LRP1B: variants seen among roughly 807,000 people sequenced by gnomAD.
LRP1B encodes LDL receptor related protein 1B.
LRP1B carries 217 observed loss-of-function variants against 556.6 expected under a neutral mutation model. The observed-to-expected ratio is 0.39, with a 90% confidence interval of 0.35 to 0.44. The LOEUF (loss-of-function observed/expected upper bound fraction) is 0.44. Among genes scored for constraint, LRP1B ranks in the 20% least tolerant of loss-of-function variants. The pLI is 1.00. For synonymous variants in LRP1B, 2,047 were observed against 1,865.8 expected (o/e 1.10, Z -2.50); for missense variants, 5,053 against 5,620.8 (o/e 0.90, Z 3.23).
In LRP1B at chr2:142,130,983, C is replaced by T. The variant is rs1193569194; in HGVS notation, c.-254G>A. On this transcript the variant is annotated 5_prime_UTR_variant, in exon 1 of 91. Coordinates refer to ENST00000389484, the MANE Select transcript of LRP1B (RefSeq NM_018557.3). ...CGTGTGTGAGCGCGAGCGAGACGCC[C>T]GTGTGTCTTGACTTTTCAATGCAGG... The T allele has an allele frequency of 5.4e-6, 3 of 553,932 alleles. No individual in the cohort carries two copies. Among genetic ancestry groups the T allele is most frequent in the African/African-American group, 3.8e-5 (2 of 52,596 alleles). The allele number at this position is 553,932 out of a possible 1,614,324, so 34.3% of individuals were successfully genotyped here.
rs11352164 is a variant in LRP1B, at chr2:140,803,260, G to GTTTTT, written c.5359+10392_5359+10396dup. ...GTGGTCAGTATTAGTCCTATTGAAA[G>GTTTTT]TTTTTTTTTTTTTTTTTTTTTTTTT... On this transcript the variant is annotated intron_variant, in intron 32 of 90. Transcript: ENST00000389484. 1.3e-3 allele frequency among the ~76,000 whole-genome samples: 138 copies of GTTTTT among 102,224 alleles called. 17 individuals are homozygous for GTTTTT. The highest frequency in any genetic ancestry group is 6.7e-3 in the East Asian group (27 of 4,032). 67.1% of individuals were successfully genotyped at this position (102,224 alleles called of 152,430 possible).
intron 11 of LRP1B, among the ~76,000 whole-genome samples, chr2:141,031,166 T>G (rs184609169): frequency 6.6e-6 from 1 of 151,704 alleles, no homozygotes; most frequent in African/African-American, 2.4e-5. Context: ...AAAATACAAT[T>G]TTAAGTGCTG....
rs190234347 is a variant in LRP1B, at chr2:141,093,176, G to A, written c.1014-30903C>T. Among the ~76,000 whole-genome samples the A allele has an allele frequency of 5.3e-5, 8 of 152,206 alleles. No homozygotes were observed. The East Asian group carries it at 1.5e-3, about 29-fold the overall frequency. ...TTATATTTTTAAGTAGCCAGAGAGAGTAGAAGGAAACTCATGGATAAAGGA... is the reference window on the plus strand; with the variant it reads ...TTATATTTTTAAGTAGCCAGAGAGAATAGAAGGAAACTCATGGATAAAGGA... On this transcript the variant is annotated intron_variant, in intron 7 of 90. Transcript: ENST00000389484.
chr2:141,008,453 C>G (rs922648993), intron 14 of LRP1B, among the ~76,000 whole-genome samples: 1 of 151,002 alleles, frequency 6.6e-6, no homozygotes, highest in East Asian at 1.9e-4. Flanking sequence ...ATAAGATTTT[C>G]TTACTCCAAA....
In LRP1B at chr2:140,598,659, C is replaced by A. The variant is rs761131522; in HGVS notation, c.7166G>T (p.Arg2389Met). ...TCTCTGGGATCCATCGTATTCACAC[C>A]TTTCAATTTTTCCTAGACTGCCATC... The part of the protein sequence containing the change: ...FSDGSLGKIE[R>M]CEYDGSQRHV... Residue 2389 changes from arginine to methionine, a missense_variant, in exon 43 of 91, where the codon AGG becomes ATG. By Grantham distance (91) the Arg-to-Met change is moderately conservative. Coordinates refer to ENST00000389484, the MANE Select transcript of LRP1B (RefSeq NM_018557.3). 3 of 1,613,570 alleles carry A rather than the reference C, an allele frequency of 1.9e-6. No homozygotes were observed. Among genetic ancestry groups the A allele is most frequent in the African/African-American group, 1.3e-5 (1 of 75,004 alleles).
chr2:142,076,931 C>T (rs916644088), intron 1 of LRP1B, among the ~76,000 whole-genome samples: 2 of 151,916 alleles, frequency 1.3e-5, no homozygotes, highest in African/African-American at 4.8e-5. Flanking sequence ...TGAGGTGTCA[C>T]CTTATGAACA....
intron 43 of LRP1B, among the ~76,000 whole-genome samples, chr2:140,592,882 G>C (rs1159259607): frequency 6.6e-6 from 1 of 151,824 alleles, no homozygotes; most frequent in Non-Finnish European, 1.5e-5. Context: ...GAGGGCTACA[G>C]TGAGCCTTGA....
intron 3 of LRP1B, among the ~76,000 whole-genome samples, chr2:141,446,022 A>C (rs948508626): frequency 2.6e-5 from 4 of 152,182 alleles, no homozygotes; most frequent in Non-Finnish European, 4.4e-5. Flanking sequence ...GTGGGATATC[A>C]AAATCTCCCA....
chr2:141,524,084 C>T (rs1183663632), intron 2 of LRP1B, among the ~76,000 whole-genome samples: 1 of 152,060 alleles, frequency 6.6e-6, no homozygotes, highest in Non-Finnish European at 1.5e-5. Context: ...AATTTAAGGG[C>T]ACTTAAAGTA....
rs536398170 is a variant in LRP1B, at chr2:140,836,765, A to T, written c.5209+3226T>A. 2.0e-5 allele frequency among the ~76,000 whole-genome samples: 3 copies of T among 152,342 alleles called. No homozygotes were observed. The East Asian group carries it at 5.8e-4, about 29-fold the overall frequency. ...CATATTTTGGAAGTATTTAAAAAAAAAGTATTGCATTTATATATGGACAAC... is the reference window on the plus strand; with the variant it reads ...CATATTTTGGAAGTATTTAAAAAAATAGTATTGCATTTATATATGGACAAC... On this transcript the variant is annotated intron_variant, in intron 31 of 90. Coordinates refer to ENST00000389484, the MANE Select transcript of LRP1B (RefSeq NM_018557.3).
At chr2:141,583,212 C>T (rs150702024) in intron 2 of LRP1B, among the ~76,000 whole-genome samples, 25 of 152,150 alleles carry the variant, frequency 1.6e-4, no homozygotes, top group African/African-American at 4.3e-4. Context: ...AGACTTATTT[C>T]GCAACTGAAA....
intron 2 of LRP1B, among the ~76,000 whole-genome samples, chr2:141,704,022 T>A (rs1430896859): frequency 6.6e-6 from 1 of 151,904 alleles, no homozygotes; most frequent in African/African-American, 2.4e-5. Flanking sequence ...GTGATTCTGA[T>A]GAGAGATTTT....
Position 141,753,014 on chromosome 2 carries a change from C to T in LRP1B, c.205+57265G>A, listed in dbSNP as rs147143009. Among the ~76,000 whole-genome samples the T allele has an allele frequency of 7.2e-3, 1,044 of 145,090 alleles. 6 individuals are homozygous for T. Among genetic ancestry groups the T allele is most frequent in the Non-Finnish European group, 0.012 (832 of 66,758 alleles). ...CTGTAATCCCAGCACATTGGGAGGC[C>T]GAGGCAGGTGGATCACCTGAGGTCA... On this transcript the variant is annotated intron_variant, in intron 2 of 90. Coordinates refer to ENST00000389484, the MANE Select transcript of LRP1B (RefSeq NM_018557.3).
chr2:141,355,465 C>A (rs1283331452), intron 3 of LRP1B, among the ~76,000 whole-genome samples: 7 of 152,002 alleles, frequency 4.6e-5, no homozygotes, highest in Admixed American at 3.3e-4. Context: ...TCAATCCCCA[C>A]CTCCACCACA....
intron 66 of LRP1B, among the ~76,000 whole-genome samples, chr2:140,441,833 A>C (rs1331557384): frequency 6.6e-6 from 1 of 152,238 alleles, no homozygotes; most frequent in Admixed American, 6.5e-5. Context: ...AATGCTGATC[A>C]AATGAATTAC....
At position 140,399,444 on chromosome 2, in the gene LRP1B, T is replaced by C. The variant is rs555598006; in HGVS notation, c.10415-13435A>G. 1.2e-4 allele frequency among the ~76,000 whole-genome samples: 19 copies of C among 152,312 alleles called. No homozygotes were observed. The South Asian group carries it at 3.9e-3, about 32-fold the overall frequency. Reference sequence around the variant, plus strand: ...TTGTTTTCCTATATAGATAAGGATGTTATAAAGTACAGTTTTATTTTCTTA... The same window carrying C: ...TTGTTTTCCTATATAGATAAGGATGCTATAAAGTACAGTTTTATTTTCTTA... On this transcript the variant is annotated intron_variant, in intron 66 of 90. Coordinates refer to ENST00000389484, the MANE Select transcript of LRP1B (RefSeq NM_018557.3).
intron 66 of LRP1B, among the ~76,000 whole-genome samples, chr2:140,419,844 A>T (rs9677971): frequency 6.6e-6 from 1 of 151,852 alleles, no homozygotes; most frequent in Non-Finnish European, 1.5e-5. Context: ...CCTGTCTTTA[A>T]TAAAATTACA....
chr2:140,749,931 C>T (rs1023197812), intron 35 of LRP1B, among the ~76,000 whole-genome samples: 2 of 152,030 alleles, frequency 1.3e-5, no homozygotes, highest in African/African-American at 2.4e-5. Flanking sequence ...TAATGTCTTG[C>T]GCTATGACAT....
intron 3 of LRP1B, among the ~76,000 whole-genome samples, chr2:141,321,306 A>T (rs113610408): frequency 0.021 from 3,190 of 152,218 alleles, 52 homozygotes; most frequent in Non-Finnish European, 0.034. Context: ...TTGTAAAACT[A>T]AAAAGTAAAG....
Sources: allele counts gnomAD v4.1 joint callset (sites outside exome capture counted in the v4.1 genomes callset), GRCh38; gene constraint gnomAD v4.1.1; transcripts MANE v1.5; gene names NCBI Gene and HGNC (gene_info 2026-07-23, HGNC 2026-07-21).